OSBPL10: variants seen among roughly 807,000 people sequenced by gnomAD.
The protein encoded by OSBPL10 is oxysterol binding protein like 10, also known as oxysterol-binding protein-related protein 10.
A neutral mutation model predicts 81.7 loss-of-function variants in OSBPL10; 49 were observed. The ratio of observed to expected loss-of-function variants is 0.60; its 90% CI spans 0.48 to 0.76. The LOEUF (loss-of-function observed/expected upper bound fraction) is 0.76. OSBPL10 is among the 30% of genes least tolerant of loss of function. OSBPL10 has a pLI of 0.00. For synonymous variants in OSBPL10, 419 were observed against 383.6 expected (o/e 1.09, Z -1.08); for missense variants, 923 against 987.8 (o/e 0.93, Z 0.88).
At chr3:31,812,151 C>G (rs1476889074) in intron 4 of OSBPL10, among the ~76,000 whole-genome samples, 1 of 152,178 alleles carries the variant, frequency 6.6e-6, no homozygotes, top group African/African-American at 2.4e-5. Flanking sequence ...CCTGCCTCAG[C>G]CTCCTGAATA....
intron 1 of OSBPL10, among the ~76,000 whole-genome samples, chr3:31,936,223 T>C (rs1247937433): frequency 1.3e-5 from 2 of 152,216 alleles, no homozygotes; most frequent in Non-Finnish European, 2.9e-5. Context: ...CTTTTTATTC[T>C]CTCTTACATT....
At chr3:32,008,567 CAA>C (rs60287692) in intron 2 of OSBPL10, among the ~76,000 whole-genome samples, 1,475 of 137,018 alleles carry the variant, frequency 0.011, 31 homozygotes, top group African/African-American at 0.036. Flanking sequence ...CCCGTTTCTA[CAA>C]AAAAAAAAAG....
chr3:31,861,775 G>A (rs1701061238), intron 3 of OSBPL10, among the ~76,000 whole-genome samples: 1 of 152,122 alleles, frequency 6.6e-6, no homozygotes, highest in Non-Finnish European at 1.5e-5. Context: ...TTCCTGGGGT[G>A]ATTCTTTCTA....
chr3:31,984,965 G>GC (rs1249792148), upstream of OSBPL10, among the ~76,000 whole-genome samples: 2 of 152,184 alleles, frequency 1.3e-5, no homozygotes, highest in African/African-American at 4.8e-5. Context: ...TAGGCCAGGC[G>GC]CGGTGGCTCA....
At chr3:31,917,064 T>C (rs746364628) in intron 1 of OSBPL10, among the ~76,000 whole-genome samples, 1 of 152,206 alleles carries the variant, frequency 6.6e-6, no homozygotes, top group Non-Finnish European at 1.5e-5. Flanking sequence ...ACTTCCCTTG[T>C]GCACATCAAT....
intron 3 of OSBPL10, among the ~76,000 whole-genome samples, chr3:31,834,226 T>G (rs1362115285): frequency 6.6e-6 from 1 of 152,200 alleles, no homozygotes; most frequent in African/African-American, 2.4e-5. Flanking sequence ...CGCTATTAAT[T>G]TAAAATATTA....
At chr3:32,034,012 C>T (rs559867309) in intron 2 of OSBPL10, among the ~76,000 whole-genome samples, 1 of 152,214 alleles carries the variant, frequency 6.6e-6, no homozygotes, top group Non-Finnish European at 1.5e-5. Flanking sequence ...ACAATCATGG[C>T]GGCTGGCAAA....
At chr3:31,849,554 T>C (rs1377726311) in intron 3 of OSBPL10, among the ~76,000 whole-genome samples, 2 of 152,052 alleles carry the variant, frequency 1.3e-5, no homozygotes, top group Admixed American at 6.5e-5. Flanking sequence ...CTTCATACCA[T>C]AACAAGGCCT....
chr3:31,810,345 C>A (rs1699648106), intron 4 of OSBPL10, among the ~76,000 whole-genome samples: 1 of 151,938 alleles, frequency 6.6e-6, no homozygotes, highest in Non-Finnish European at 1.5e-5. Context: ...TGTAATATGT[C>A]TCAATAAAGC....
At chr3:31,762,630 A>ATTTTTTTTTGTTTTTTTTTTTTTTTTT (rs1698081247) in intron 4 of OSBPL10, among the ~76,000 whole-genome samples, 1 of 61,514 alleles carries the variant, frequency 1.6e-5, no homozygotes, top group Non-Finnish European at 2.7e-5. Context: ...CATGCCCAGC[A>ATTTTTTTTTGTTTTTTTTTTTTTTTTT]TTTTTTTTTT....
chr3:31,931,488 T>TA (rs1472605394), intron 1 of OSBPL10, among the ~76,000 whole-genome samples: 1 of 152,176 alleles, frequency 6.6e-6, no homozygotes, highest in Admixed American at 6.6e-5. Flanking sequence ...CAACTCCCTT[T>TA]AAGGAGATGA....
rs533510370 is a variant in OSBPL10 at position 31,923,789 on chromosome 3, A to G, written c.282-43959T>C. Among the ~76,000 whole-genome samples the G allele has an allele frequency of 1.7e-3, 255 of 152,288 alleles. 3 individuals are homozygous for G. Among genetic ancestry groups the G allele is most frequent in the Non-Finnish European group, 2.5e-3 (170 of 68,026 alleles). On this transcript the variant is annotated intron_variant, in intron 1 of 11. Coordinates refer to ENST00000396556, the MANE Select transcript of OSBPL10 (RefSeq NM_017784.5). ...ATGACAGAGCGAGATCCTGTCTCTA[A>G]AAGACAGTGAGGAGTAAGTAAAAGA...
intron 6 of OSBPL10, chr3:31,713,839 A>G (rs1696345697): frequency 6.6e-6 from 1 of 152,196 alleles, no homozygotes; most frequent in African/African-American, 2.4e-5. Flanking sequence ...TCTCAACTAT[A>G]TTATATGTGC....
chr3:31,815,234 C>T (rs1034915766), intron 4 of OSBPL10, among the ~76,000 whole-genome samples: 3 of 150,732 alleles, frequency 2.0e-5, no homozygotes, highest in African/African-American at 7.3e-5. Flanking sequence ...GCTCTTCCCG[C>T]CCCCCAATAA....
chr3:31,971,487 C>T (rs1355504701), intron 1 of OSBPL10, among the ~76,000 whole-genome samples: 1 of 152,184 alleles, frequency 6.6e-6, no homozygotes, highest in African/African-American at 2.4e-5. Context: ...ACCCTTTATA[C>T]ACAGCTTCTC....
At chr3:31,852,091 G>A (rs577688069) in intron 3 of OSBPL10, among the ~76,000 whole-genome samples, 2 of 152,328 alleles carry the variant, frequency 1.3e-5, no homozygotes, top group East Asian at 3.9e-4. Context: ...ATATGGGGAT[G>A]ACCTCAAGCC....
intron 1 of OSBPL10, among the ~76,000 whole-genome samples, chr3:31,938,813 C>T (rs1014419963): frequency 1.3e-5 from 2 of 152,110 alleles, no homozygotes; most frequent in African/African-American, 4.8e-5. Context: ...TTCAAACCTC[C>T]TCGACTTTGC....
rs13326760 is a variant in OSBPL10 at position 31,699,523 on chromosome 3, G to A, written c.1245+2836C>T. On this transcript the variant is annotated intron_variant, in intron 7 of 11. Coordinates refer to ENST00000396556, the MANE Select transcript of OSBPL10 (RefSeq NM_017784.5). ...CTGAGGAAAGAGGGCAGACAAGGGT[G>A]CTTCTAGAGGCAGGACCAGCTACAT... 7.6e-3 allele frequency among the ~76,000 whole-genome samples: 1,154 copies of A among 152,346 alleles called. 16 individuals carry two copies. The highest frequency in any genetic ancestry group is 0.027 in the African/African-American group (1,106 of 41,576).
intron 7 of OSBPL10, among the ~76,000 whole-genome samples, chr3:31,688,279 T>TCACACACA (rs879415490): frequency 2.1e-4 from 16 of 77,880 alleles, no homozygotes; most frequent in African/African-American, 5.0e-4. Flanking sequence ...TCTCTCTCTC[T>TCACACACA]CTCTCACACA....
Sources: gnomAD v4.1 joint callset for allele counts (sites outside exome capture counted in the v4.1 genomes callset) on GRCh38, gnomAD v4.1.1 for gene constraint, MANE v1.5 for transcripts, NCBI Gene and HGNC (gene_info 2026-07-23, HGNC 2026-07-21) for gene names.